Variants in CIITA observed in about 807,000 individuals in gnomAD.
CIITA encodes the protein class II major histocompatibility complex transactivator, also known as MHC class II transactivator.
Under a neutral mutation model 115.1 loss-of-function variants are expected in CIITA, and 72 were observed. The ratio of observed to expected loss-of-function variants is 0.63; its 90% CI spans 0.52 to 0.76. The LOEUF (loss-of-function observed/expected upper bound fraction) is 0.76. CIITA is among the 30% of genes least tolerant of loss of function. The probability of loss-of-function intolerance (pLI) is 0.00; values close to 1 mark genes in which losing one functional copy is unlikely to be tolerated. For synonymous variants in CIITA, 763 were observed against 635.6 expected (o/e 1.20, Z -3.02); for missense variants, 1,617 against 1,463.8 (o/e 1.10, Z -1.71).
chr16:10,921,464 G>A (rs2040265587), intron 16 of CIITA, among the ~76,000 whole-genome samples: 1 of 152,150 alleles, frequency 6.6e-6, no homozygotes, highest in Non-Finnish European at 1.5e-5. Flanking sequence ...CTGTGATGTA[G>A]TCAGAACCAT....
At chr16:10,895,179 C>G in intron 1 of CIITA, 103 bp from the exon 2 acceptor site, 1 of 1,378,406 alleles carries the variant, frequency 7.3e-7, no homozygotes, top group Non-Finnish European at 1.0e-6. Flanking sequence ...TTTATTCACT[C>G]CTCTCATCCC....
chr16:10,917,355 G>A (rs942329834), intron 15 of CIITA, among the ~76,000 whole-genome samples: 1 of 152,264 alleles, frequency 6.6e-6, no homozygotes, highest in East Asian at 1.9e-4. Flanking sequence ...GTATTTTTTT[G>A]TAGAGACGTG....
chr16:10,871,026 C>T (rs1445173431), intron 1 of CIITA, among the ~76,000 whole-genome samples: 2 of 152,232 alleles, frequency 1.3e-5, no homozygotes, highest in East Asian at 3.8e-4. Context: ...CCCCTGCCCT[C>T]GAGTTGAACT....
chr16:10,917,783 C>T (rs957471149), intron 15 of CIITA, among the ~76,000 whole-genome samples: 5 of 152,170 alleles, frequency 3.3e-5, no homozygotes, highest in African/African-American at 1.2e-4. Flanking sequence ...CCCAGTTCAA[C>T]ATGATTTTTT....
Position 10,923,369 on chromosome 16 carries a change from G to A in CIITA, c.*22+44G>A, listed in dbSNP as rs2040379113. 3 of 1,464,548 alleles carry A rather than the reference G, an allele frequency of 2.0e-6. No individual in the cohort carries two copies. Among genetic ancestry groups the A allele is most frequent in the Admixed American group, 1.7e-5 (1 of 59,800 alleles). 90.7% of individuals were successfully genotyped at this position (1,464,548 alleles called of 1,614,324 possible). A position where few individuals can be genotyped will look rare whatever the true frequency, so the allele number is the denominator to read the frequency against. On this transcript the variant is annotated intron_variant, in intron 19 of 19. Coordinates refer to ENST00000324288, the MANE Select transcript of CIITA (RefSeq NM_000246.4). The surrounding 1 kb of genome is among the most constrained non-coding windows in gnomAD (Gnocchi z 5.2). ...GGAGGGGAGAGCCGCAGTGGGTTGG[G>A]GGCAGTGTCCTTGTGAAGGTGGCAT...
chr16:10,910,589 A>T (rs1342852962), intron 13 of CIITA, among the ~76,000 whole-genome samples: 1 of 152,148 alleles, frequency 6.6e-6, no homozygotes, highest in Non-Finnish European at 1.5e-5. Flanking sequence ...GGTCAGGGGG[A>T]CTTCCTGGAG....
At position 10,902,121 on chromosome 16, in the gene CIITA, G is replaced by A. The variant is rs370429955; in HGVS notation, c.565G>A (p.Ala189Thr). The change falls in exon 7 of 20, where the codon GCG (alanine) becomes ACG (threonine). Residue 189 changes from alanine (A) to threonine (T), a missense_variant. Ala to Thr is a moderately conservative substitution (Grantham distance 58). Coordinates refer to ENST00000324288, the MANE Select transcript of CIITA (RefSeq NM_000246.4). ...CACCCTGCCCTGCCTGCCACTGCCT[G>A]CGCTGTTCAACCAGGAGCCAGCCTC... Reference protein sequence around the residue: ...CSTLPCLPLPALFNQEPASGQ... With the variant: ...CSTLPCLPLPTLFNQEPASGQ... 23 of 1,614,086 alleles carry A rather than the reference G, an allele frequency of 1.4e-5. No homozygotes were observed. Among genetic ancestry groups the A allele is most frequent in the African/African-American group, 5.3e-5 (4 of 74,938 alleles).
At position 10,907,524 on chromosome 16, in the gene CIITA, G is replaced by A; in HGVS notation, c.2032G>A (p.Asp678Asn). ...CAGACATCAAAGTACCCTACAGGAG[G>A]ACCAGTTCCCATCCGCAGACGTGAG... ...GRRHQSTLQE[D>N]QFPSADVRTW... Residue 678 changes from aspartate (D) to asparagine (N), a missense_variant, in exon 11 of 20, where the codon GAC (aspartate) becomes AAC (asparagine). Coordinates refer to ENST00000324288, the MANE Select transcript of CIITA (RefSeq NM_000246.4). The surrounding 1 kb of genome is among the most constrained non-coding windows in gnomAD (Gnocchi z 5.0). 1 of 1,614,124 alleles carries A rather than the reference G, an allele frequency of 6.2e-7. No homozygotes were observed. The highest frequency in any genetic ancestry group is 1.1e-5 in the South Asian group (1 of 91,084).
chr16:10,898,346 C>A (rs1392278458), intron 3 of CIITA, among the ~76,000 whole-genome samples: 1 of 151,888 alleles, frequency 6.6e-6, no homozygotes, highest in Non-Finnish European at 1.5e-5. Flanking sequence ...AAATAAGTAG[C>A]CCAAGATTGC....
Position 10,942,234 on chromosome 16 carries a change from C to T in CIITA, n.1360C>T. 2.7e-6 allele frequency: 1 copy of T among 377,274 alleles called. No homozygotes were observed. The highest frequency in any genetic ancestry group is 4.7e-6 in the Non-Finnish European group (1 of 211,836). 23.4% of individuals were successfully genotyped at this position (377,274 alleles called of 1,614,324 possible). A position where few individuals can be genotyped will look rare whatever the true frequency, so the allele number is the denominator to read the frequency against. On this transcript the variant is annotated non_coding_transcript_exon_variant, in exon 2 of 2. Coordinates refer to the CIITA transcript ENST00000573379. The surrounding 1 kb of genome is among the most constrained non-coding windows in gnomAD (Gnocchi z 5.0). The stretch of plus-strand genomic sequence containing the variant: ...CCCAAGGATCTCTCGACCGCCCGGG[C>T]GGCGAGGCGGGCCCCCCTGAAGTGG...
Position 10,902,767 on chromosome 16 carries a change from T to A in CIITA, c.738T>A (p.Ala246=), listed in dbSNP as rs771807788. The stretch of plus-strand genomic sequence containing the variant: ...ATGGGCTCTGGCAAATCTCTGAGGC[T>A]GGAACAGGGGTCTCCAGTATATTCA... ...LPHGLWQISE[A]GTGVSSIFIY... Residue 246 remains alanine, a synonymous_variant, in exon 8 of 20, where the codon GCT becomes GCA. Coordinates refer to ENST00000324288, the MANE Select transcript of CIITA (RefSeq NM_000246.4). The A allele has an allele frequency of 2.5e-6, 4 of 1,614,106 alleles. No individual in the cohort carries two copies. In the Admixed American group the frequency reaches 6.7e-5, roughly 27 times the overall value.
chr16:10,923,456 C>G lies in CIITA; in HGVS notation c.*22+131C>G. 1.4e-6 allele frequency: 1 copy of G among 705,362 alleles called. No individual in the cohort carries two copies. The highest frequency in any genetic ancestry group is 2.5e-6 in the Non-Finnish European group (1 of 396,628). The allele number at this position is 705,362 out of a possible 1,614,324, so 43.7% of individuals were successfully genotyped here. A position where few individuals can be genotyped will look rare whatever the true frequency, so the allele number is the denominator to read the frequency against. On this transcript the variant is annotated intron_variant, in intron 19 of 19. Transcript: ENST00000324288. The surrounding 1 kb of genome is among the most constrained non-coding windows in gnomAD (Gnocchi z 5.2). ...CACCACCCTTGGACGCATGCGTCATCAGAGACATCCCCTCATCTCCACCCT... is the reference window on the plus strand; with the variant it reads ...CACCACCCTTGGACGCATGCGTCATGAGAGACATCCCCTCATCTCCACCCT...
At position 10,907,037 on chromosome 16, in the gene CIITA, C is replaced by T. The variant is rs200146904; in HGVS notation, c.1545C>T (p.Cys515=). Residue 515 remains cysteine (C), a synonymous_variant, in exon 11 of 20, where the codon TGC becomes TGT. Transcript: ENST00000324288. This position sits in a 1 kb window ranked among gnomAD's most constrained non-coding sequence, Gnocchi z 5.0. The part of the protein sequence containing the change: ...EAQDGFLHST[C]GPAPAEPCSL... ...AAGATGGCTTCCTGCACAGCACGTGCGGACCGGCACCGGCGGAGCCCTGCT... is the reference window on the plus strand; with the variant it reads ...AAGATGGCTTCCTGCACAGCACGTGTGGACCGGCACCGGCGGAGCCCTGCT... The T allele has an allele frequency of 9.6e-5, 154 of 1,607,576 alleles. 1 individual carries two copies. Among genetic ancestry groups the T allele is most frequent in the Non-Finnish European group, 9.0e-5 (106 of 1,179,978 alleles).
At chr16:10,898,857 G>A in intron 4 of CIITA, 68 bp from the exon 5 acceptor site, 2 of 1,603,326 alleles carry the variant, frequency 1.2e-6, no homozygotes, top group Non-Finnish European at 8.5e-7. Flanking sequence ...CCCAAGGTGG[G>A]TACAATAGAG....
rs1182855605 is a variant in CIITA, at chr16:10,910,175, C to T, written c.2817-13C>T. The T allele has an allele frequency of 6.2e-7, 1 of 1,613,254 alleles. No individual in the cohort carries two copies. Among genetic ancestry groups the T allele is most frequent in the Non-Finnish European group, 8.5e-7 (1 of 1,179,416 alleles). On this transcript the variant is annotated splice_polypyrimidine_tract_variant and intron_variant, in intron 12 of 19. Coordinates refer to ENST00000324288, the MANE Select transcript of CIITA (RefSeq NM_000246.4). Reference sequence around the variant, plus strand: ...CAGTGCCTGCTCCCCCTAACATTGCCTGTTCTCTCCAGGACGAGAAGTTCC... The same window carrying T: ...CAGTGCCTGCTCCCCCTAACATTGCTTGTTCTCTCCAGGACGAGAAGTTCC...
In CIITA at chr16:10,929,628, A is replaced by C. The variant is rs529098620; in HGVS notation, c.*5773A>C. The C allele has an allele frequency of 1.1e-6, 1 of 941,844 alleles. No homozygotes were observed. Among genetic ancestry groups the C allele is most frequent in the South Asian group, 4.9e-5 (1 of 20,436 alleles). 58.3% of individuals were successfully genotyped at this position (941,844 alleles called of 1,614,324 possible). ...CCCTGCCACCAGGTTGGCTGGGGAC[A>C]GGGACCAATCCACCAGGCTCGGGAG... On this transcript the variant is annotated 3_prime_UTR_variant, in exon 20 of 20. Transcript: ENST00000324288. The surrounding 1 kb of genome is among the most constrained non-coding windows in gnomAD (Gnocchi z 4.3).
chr16:10,886,256 A>T (rs983726014), intron 1 of CIITA, among the ~76,000 whole-genome samples: 1 of 151,914 alleles, frequency 6.6e-6, no homozygotes, highest in African/African-American at 2.4e-5. Flanking sequence ...TTACTTTTGC[A>T]TTCTGTACTA....
chr16:10,899,033 C>G (rs763459512), intron 5 of CIITA, 31 bp downstream of exon 5: 1 of 1,608,968 alleles, frequency 6.2e-7, no homozygotes, highest in Admixed American at 1.7e-5. Flanking sequence ...TCCAACCTAG[C>G]CTTGCTTGAG....
rs772387879 is a variant in CIITA, at chr16:10,922,224, G to A, written c.3207G>A (p.Pro1069=). The A allele has an allele frequency of 6.8e-6, 11 of 1,614,114 alleles. No homozygotes were observed. Among genetic ancestry groups the A allele is most frequent in the African/African-American group, 2.7e-5 (2 of 74,928 alleles). The part of the protein sequence containing the change: ...VGAESLARVL[P]DMVSLRVMDV... Reference sequence around the variant, plus strand: ...CCGAGAGCTTGGCTCGTGTGCTTCCGGACATGGTGTCCCTCCGGGTGATGG... The same window carrying A: ...CCGAGAGCTTGGCTCGTGTGCTTCCAGACATGGTGTCCCTCCGGGTGATGG... The change falls in exon 17 of 20, where the codon CCG becomes CCA. Residue 1069 remains proline (P), a synonymous_variant. Coordinates refer to ENST00000324288, the MANE Select transcript of CIITA (RefSeq NM_000246.4).
Sources: gnomAD v4.1 joint callset for allele counts (sites outside exome capture counted in the v4.1 genomes callset) on GRCh38, gnomAD v4.1.1 for gene constraint, Gnocchi (gnomAD v3.1) non-coding constraint, MANE v1.5 for transcripts, NCBI Gene and HGNC (gene_info 2026-07-23, HGNC 2026-07-21) for gene names.